The following DYNC1I1 variants were observed in gnomAD, a reference collection of about 807,000 sequenced individuals.
DYNC1I1 encodes the protein dynein cytoplasmic 1 intermediate chain 1.
Under a neutral mutation model 86.6 loss-of-function variants are expected in DYNC1I1, and 43 were observed. The ratio of observed to expected loss-of-function variants is 0.50; its 90% CI spans 0.39 to 0.64. The LOEUF is 0.64. DYNC1I1 is among the 30% of genes least tolerant of loss of function. The pLI is 0.00. For synonymous variants in DYNC1I1, 262 were observed against 283.7 expected, an observed-to-expected ratio of 0.92 and a Z score of 0.77; for missense variants, 604 against 788.8, an observed-to-expected ratio of 0.77 and a Z score of 2.81.
At position 95,968,822 on chromosome 7, in the gene DYNC1I1, CTCTGTGTGTGTG is replaced by C. The variant is rs1183556911; in HGVS notation, c.491-8688_491-8677del. Reference sequence around the variant, plus strand: ...ATCTTCAATTGTTCTGAATTTTTTGCTCTGTGTGTGTGTGTGTGTGTGTGTGTGTGTGTGTGT... The same window carrying C: ...ATCTTCAATTGTTCTGAATTTTTTGCTGTGTGTGTGTGTGTGTGTGTGTGT... On this transcript the variant is annotated intron_variant, in intron 6 of 16. Transcript: ENST00000447467. Among the ~76,000 whole-genome samples the C allele has an allele frequency of 2.6e-3, 342 of 133,632 alleles. 2 individuals are homozygous for C. The highest frequency in any genetic ancestry group is 4.2e-3 in the East Asian group (19 of 4,488). The allele number at this position is 133,632 out of a possible 152,430, so 87.7% of individuals were successfully genotyped here. A position where few individuals can be genotyped will look rare whatever the true frequency, so the allele number is the denominator to read the frequency against.
At chr7:95,776,728 T>G (rs1206425109) in intron 1 of DYNC1I1, among the ~76,000 whole-genome samples, 3 of 152,168 alleles carry the variant, frequency 2.0e-5, no homozygotes, top group Admixed American at 6.5e-5. Context: ...GTGGCAGGTA[T>G]AGCAAACATC....
chr7:95,968,248 A>T (rs1793068738), intron 6 of DYNC1I1, among the ~76,000 whole-genome samples: 1 of 152,116 alleles, frequency 6.6e-6, no homozygotes, highest in Admixed American at 6.5e-5. Context: ...AGAAGGGTAT[A>T]CAAAGAGATA....
chr7:95,940,863 A>C (rs562991033), intron 6 of DYNC1I1, among the ~76,000 whole-genome samples: 8 of 152,284 alleles, frequency 5.3e-5, no homozygotes, highest in Admixed American at 3.3e-4. Context: ...CCTTTGGAGG[A>C]GGAGAGGCAC....
chr7:96,055,585 G>A (rs969137596), intron 14 of DYNC1I1, among the ~76,000 whole-genome samples: 2 of 151,866 alleles, frequency 1.3e-5, no homozygotes, highest in Admixed American at 6.6e-5. Context: ...ATTCCATATT[G>A]TGTGTAATAC....
chr7:96,087,491 A>G (rs766700295), intron 16 of DYNC1I1, among the ~76,000 whole-genome samples: 1 of 152,158 alleles, frequency 6.6e-6, no homozygotes, highest in Non-Finnish European at 1.5e-5. Context: ...TGTGGCCATT[A>G]ATTTCCTAGA....
At chr7:95,799,504 G>A (rs1186475870) in intron 1 of DYNC1I1, among the ~76,000 whole-genome samples, 2 of 152,186 alleles carry the variant, frequency 1.3e-5, no homozygotes, top group African/African-American at 4.8e-5. Context: ...CCCATCCTCT[G>A]GGGGAAGTGG....
chr7:95,954,679 T>C (rs183925902), intron 6 of DYNC1I1, among the ~76,000 whole-genome samples: 151 of 152,158 alleles, frequency 9.9e-4, no homozygotes, highest in African/African-American at 3.5e-3. Context: ...TTTGGGAGTC[T>C]GAGGCAGGCG....
chr7:95,906,550 G>T (rs1791182317), intron 6 of DYNC1I1, among the ~76,000 whole-genome samples: 1 of 151,712 alleles, frequency 6.6e-6, no homozygotes, highest in Non-Finnish European at 1.5e-5. Context: ...TGATCTCGGT[G>T]AAGGACTTAT....
chr7:95,963,166 C>T (rs1265057932), intron 6 of DYNC1I1, among the ~76,000 whole-genome samples: 1 of 152,100 alleles, frequency 6.6e-6, no homozygotes, highest in Non-Finnish European at 1.5e-5. Context: ...AAATCCAACT[C>T]GAATTGAACT....
intron 16 of DYNC1I1, among the ~76,000 whole-genome samples, chr7:96,093,412 G>A (rs1563003219): frequency 6.6e-6 from 1 of 152,096 alleles, no homozygotes; most frequent in Non-Finnish European, 1.5e-5. Flanking sequence ...TCTTTCTTAT[G>A]TCCAAATTGC....
chr7:95,991,574 C>A (rs1793730488), intron 9 of DYNC1I1, among the ~76,000 whole-genome samples: 1 of 152,154 alleles, frequency 6.6e-6, no homozygotes, highest in Non-Finnish European at 1.5e-5. Flanking sequence ...TTACAATATT[C>A]TGGTTAGAGA....
intron 10 of DYNC1I1, among the ~76,000 whole-genome samples, chr7:96,021,780 G>A (rs572934910): frequency 6.6e-6 from 1 of 152,082 alleles, no homozygotes; most frequent in Non-Finnish European, 1.5e-5. Context: ...CCTTTTATGA[G>A]CTGTTTCAGT....
At chr7:95,950,938 G>A (rs1197870026) in intron 6 of DYNC1I1, among the ~76,000 whole-genome samples, 1 of 152,134 alleles carries the variant, frequency 6.6e-6, no homozygotes, top group African/African-American at 2.4e-5. Flanking sequence ...ACATCCCTCT[G>A]TTTTCTTGAG....
chr7:96,039,242 C>T (rs371105097), intron 13 of DYNC1I1, 35 bp from the exon 14 acceptor site: 2 of 1,580,970 alleles, frequency 1.3e-6, no homozygotes, highest in Non-Finnish European at 1.7e-6. Context: ...TTTCAGAGGT[C>T]ACTGGAATTC....
At chr7:96,086,766 A>G (rs1790693459) in intron 16 of DYNC1I1, among the ~76,000 whole-genome samples, 1 of 152,224 alleles carries the variant, frequency 6.6e-6, no homozygotes, top group Non-Finnish European at 1.5e-5. Context: ...GTAAAACATG[A>G]TTTTAAATGT....
At chr7:95,871,585 C>T (rs4729218) in intron 6 of DYNC1I1, among the ~76,000 whole-genome samples, 1 of 152,072 alleles carries the variant, frequency 6.6e-6, no homozygotes, top group African/African-American at 2.4e-5. Flanking sequence ...AGTTATACAA[C>T]TGAAATAGGA....
At chr7:95,976,628 A>G (rs1333904602) in intron 6 of DYNC1I1, among the ~76,000 whole-genome samples, 8 of 152,228 alleles carry the variant, frequency 5.3e-5, no homozygotes, top group African/African-American at 1.7e-4. Flanking sequence ...CTTTGAACCA[A>G]TGAAATCAAT....
intron 1 of DYNC1I1, among the ~76,000 whole-genome samples, chr7:95,775,677 T>C (rs567844617): frequency 2.0e-5 from 3 of 152,348 alleles, no homozygotes; most frequent in South Asian, 4.1e-4. Context: ...AATTATGGCA[T>C]TGTTTTTGTC....
intron 6 of DYNC1I1, among the ~76,000 whole-genome samples, chr7:95,939,881 T>C (rs1357411146): frequency 6.6e-6 from 1 of 152,232 alleles, no homozygotes; most frequent in African/African-American, 2.4e-5. Flanking sequence ...TGATGGAGTT[T>C]CTTCCTAGCC....
Sources: gnomAD v4.1 joint callset for allele counts (sites outside exome capture counted in the v4.1 genomes callset) on GRCh38, gnomAD v4.1.1 for gene constraint, MANE v1.5 for transcripts, NCBI Gene and HGNC (gene_info 2026-07-23, HGNC 2026-07-21) for gene names.